Variants in SUGCT observed in about 807,000 individuals in gnomAD.
SUGCT encodes the protein succinyl-CoA:glutarate CoA-transferase.
Under a neutral mutation model 55.0 loss-of-function variants are expected in SUGCT, and 41 were observed. The ratio of observed to expected loss-of-function variants is 0.74; its 90% CI spans 0.58 to 0.97. The LOEUF is 0.97. Among genes scored for constraint, SUGCT ranks in the 50% least tolerant of loss-of-function variants. The probability of loss-of-function intolerance (pLI) is 0.00; values close to 1 mark genes in which losing one functional copy is unlikely to be tolerated. For missense variants in SUGCT, 568 were observed against 547.8 expected (o/e 1.04, Z -0.37); for synonymous variants, 187 against 200.4 (o/e 0.93, Z 0.56).
intron 9 of SUGCT, among the ~76,000 whole-genome samples, chr7:40,417,409 ATTGTCTTGTAAATCCT>A (rs1787062700): frequency 6.6e-6 from 1 of 151,632 alleles, no homozygotes; most frequent in South Asian, 2.1e-4. Flanking sequence ...TCTCTTTTTT[ATTGTCTTGTAAATCCT>A]TAGTAATAGC....
chr7:40,518,911 A>T (rs1020871916), intron 12 of SUGCT, among the ~76,000 whole-genome samples: 3 of 152,128 alleles, frequency 2.0e-5, no homozygotes, highest in African/African-American at 7.2e-5. Context: ...TATTCATGAT[A>T]TAATAAATGC....
intron 6 of SUGCT, among the ~76,000 whole-genome samples, chr7:40,207,159 T>C (rs1054214287): frequency 2.0e-5 from 3 of 151,998 alleles, no homozygotes; most frequent in Non-Finnish European, 2.9e-5. Context: ...GTTGTGCCAC[T>C]GCACTCCAGC....
chr7:40,533,843 T>C (rs1443050487), intron 12 of SUGCT, among the ~76,000 whole-genome samples: 2 of 152,226 alleles, frequency 1.3e-5, no homozygotes, highest in African/African-American at 4.8e-5. Context: ...CAGCTTCTTT[T>C]ACATTATTAC....
chr7:40,446,519 C>T (rs1404486781), intron 9 of SUGCT, among the ~76,000 whole-genome samples: 1 of 152,122 alleles, frequency 6.6e-6, no homozygotes, highest in Non-Finnish European at 1.5e-5. Flanking sequence ...TACTTTTGCC[C>T]TCATGGACAA....
At chr7:40,908,702 A>G in the SUGCT span, among the ~76,000 whole-genome samples, 3 of 152,198 alleles carry the variant, frequency 2.0e-5, no homozygotes, top group Admixed American at 1.3e-4. Flanking sequence ...TATAGCTACC[A>G]GATTTTTCAT....
chr7:40,422,489 T>C (rs554201076), intron 9 of SUGCT, among the ~76,000 whole-genome samples: 2 of 152,316 alleles, frequency 1.3e-5, no homozygotes, highest in East Asian at 3.9e-4. Flanking sequence ...CATCCTTTTG[T>C]CTGGCATTGT....
the SUGCT span, among the ~76,000 whole-genome samples, chr7:40,897,918 A>ACCAATCAGCTCTCTGTAAAATGG: frequency 7.7e-6 from 1 of 129,810 alleles, no homozygotes; most frequent in Non-Finnish European, 1.8e-5. Flanking sequence ...CTGTAAAATG[A>ACCAATCAGCTCTCTGTAAAATGG]ACCAATCAGC....
intron 6 of SUGCT, among the ~76,000 whole-genome samples, chr7:40,220,693 CCTTTT>C (rs1299787951): frequency 6.6e-6 from 1 of 152,124 alleles, no homozygotes; most frequent in Non-Finnish European, 1.5e-5. Context: ...TAGATATATC[CCTTTT>C]CAAGAAAATA....
At chr7:40,312,253 C>T (rs1795199409) in intron 8 of SUGCT, among the ~76,000 whole-genome samples, 1 of 152,048 alleles carries the variant, frequency 6.6e-6, no homozygotes, top group African/African-American at 2.4e-5. Flanking sequence ...GTTGGTTAGG[C>T]TGGTCTCGAA....
At chr7:40,249,867 A>G (rs1351370030) in intron 7 of SUGCT, among the ~76,000 whole-genome samples, 2 of 152,012 alleles carry the variant, frequency 1.3e-5, no homozygotes, top group Non-Finnish European at 2.9e-5. Context: ...GCTCACCGCA[A>G]CCTCTGCCTC....
the SUGCT span, among the ~76,000 whole-genome samples, chr7:40,901,248 G>A: frequency 2.0e-5 from 3 of 152,280 alleles, no homozygotes; most frequent in African/African-American, 7.2e-5. Flanking sequence ...TAACTAATGA[G>A]GAAGTGACCC....
At chr7:41,017,471 T>C in the SUGCT span, among the ~76,000 whole-genome samples, 1 of 152,108 alleles carries the variant, frequency 6.6e-6, no homozygotes, top group Non-Finnish European at 1.5e-5. Flanking sequence ...GGAAAGGTTT[T>C]AGAAAGATTT....
intron 11 of SUGCT, among the ~76,000 whole-genome samples, chr7:40,492,368 C>T (rs1158966633): frequency 6.6e-6 from 1 of 152,084 alleles, no homozygotes; most frequent in Non-Finnish European, 1.5e-5. Flanking sequence ...AGAGGCAAAG[C>T]GTATGTTGCC....
At chr7:40,938,408 G>C in the SUGCT span, among the ~76,000 whole-genome samples, 12 of 151,250 alleles carry the variant, frequency 7.9e-5, no homozygotes, top group African/African-American at 2.7e-4. Context: ...TGTCTCAGTG[G>C]TTGCCCTGAA....
At chr7:40,919,860 C>G in the SUGCT span, among the ~76,000 whole-genome samples, 1 of 152,198 alleles carries the variant, frequency 6.6e-6, no homozygotes, top group South Asian at 2.1e-4. Context: ...CAGCCTGACT[C>G]CTCCTGATTC....
At chr7:40,497,734 C>T (rs1341003924) in intron 12 of SUGCT, among the ~76,000 whole-genome samples, 1 of 151,988 alleles carries the variant, frequency 6.6e-6, no homozygotes, top group Non-Finnish European at 1.5e-5. Flanking sequence ...TCATGTTTAC[C>T]TCAGTTTGAG....
the SUGCT span, among the ~76,000 whole-genome samples, chr7:41,010,721 T>C: frequency 6.6e-6 from 1 of 152,288 alleles, no homozygotes; most frequent in South Asian, 2.1e-4. Flanking sequence ...CAAAATCCAA[T>C]TAGGATACCA....
the SUGCT span, among the ~76,000 whole-genome samples, chr7:40,898,478 GT>G: frequency 8.8e-4 from 97 of 110,612 alleles, 13 homozygotes; most frequent in East Asian, 5.7e-3. Flanking sequence ...ACTCCGGGAG[GT>G]CGGGGGGGGG....
At chr7:40,214,846 G>A (rs570667241) in intron 6 of SUGCT, among the ~76,000 whole-genome samples, 18 of 152,000 alleles carry the variant, frequency 1.2e-4, no homozygotes, top group Admixed American at 2.0e-4. Flanking sequence ...CCCGGGAGGC[G>A]GAGGTTGCAG....
Sources: gnomAD v4.1 joint callset for allele counts (sites outside exome capture counted in the v4.1 genomes callset) on GRCh38, gnomAD v4.1.1 for gene constraint, MANE v1.5 for transcripts, NCBI Gene and HGNC (gene_info 2026-07-23, HGNC 2026-07-21) for gene names.